The following DHRSX variants were observed in gnomAD, a reference collection of about 807,000 sequenced individuals.
DHRSX encodes the protein dehydrogenase/reductase X-linked.
Under a neutral mutation model 34.0 loss-of-function variants are expected in DHRSX, and 31 were observed. That is an observed-to-expected ratio of 0.91 (90% CI 0.69 to 1.23). The LOEUF (loss-of-function observed/expected upper bound fraction) is 1.23. Among genes scored for constraint, DHRSX ranks in the 50% most tolerant of loss-of-function variants. DHRSX has a pLI of 0.00. For missense variants in DHRSX, 414 were observed against 428.1 expected (o/e 0.97, Z 0.29); for synonymous variants, 201 against 183.8 (o/e 1.09, Z -0.76).
intron 5 of DHRSX, among the ~76,000 whole-genome samples, chrX:2,249,447 C>T (rs1239559750): frequency 6.7e-6 from 1 of 150,352 alleles, no homozygotes; most frequent in African/African-American, 2.4e-5. Context: ...ATCTGCCCAC[C>T]TCGGCCTCCC....
intron 1 of DHRSX, among the ~76,000 whole-genome samples, chrX:2,491,683 C>A (rs1314235174): frequency 9.2e-5 from 14 of 152,234 alleles, no homozygotes; most frequent in African/African-American, 3.4e-4. Flanking sequence ...TGGAACGTCA[C>A]AGGTGCATCC....
chrX:2,432,193 C>G (rs1229921799), intron 1 of DHRSX, among the ~76,000 whole-genome samples: 1 of 147,158 alleles, frequency 6.8e-6, no homozygotes, highest in African/African-American at 2.5e-5. Context: ...GACTCCGTCT[C>G]AAAAAAAAAA....
chrX:2,229,563 TG>T (rs1413088674), intron 6 of DHRSX, among the ~76,000 whole-genome samples: 3 of 152,000 alleles, frequency 2.0e-5, no homozygotes, highest in Admixed American at 6.6e-5. Flanking sequence ...AATGTGTGCA[TG>T]TGTGTGTGTG....
intron 3 of DHRSX, among the ~76,000 whole-genome samples, chrX:2,295,305 C>T (rs2041918934): frequency 6.6e-6 from 1 of 152,174 alleles, no homozygotes; most frequent in African/African-American, 2.4e-5. Context: ...AACCATCATT[C>T]TCAGCAAACT....
chrX:2,231,116 C>A (rs1311503629), intron 6 of DHRSX, among the ~76,000 whole-genome samples: 1 of 152,132 alleles, frequency 6.6e-6, no homozygotes, highest in Non-Finnish European at 1.5e-5. Context: ...GGGCATTTAT[C>A]CACTCAAGGG....
chrX:2,301,585 T>C (rs1160894834), intron 3 of DHRSX, among the ~76,000 whole-genome samples: 1 of 152,196 alleles, frequency 6.6e-6, no homozygotes, highest in Non-Finnish European at 1.5e-5. Flanking sequence ...TTCTGGTCTT[T>C]GTATGATCAC....
Position 2,444,010 on chromosome X carries a change from GAAAAAAA to G in DHRSX, c.110-18713_110-18707del, listed in dbSNP as rs569503260. Among the ~76,000 whole-genome samples the G allele has an allele frequency of 1.1e-3, 111 of 102,296 alleles. 1 individual carries two copies. Among genetic ancestry groups the G allele is most frequent in the African/African-American group, 3.2e-3 (97 of 30,216 alleles). 67.1% of individuals were successfully genotyped at this position (102,296 alleles called of 152,430 possible). On this transcript the variant is annotated intron_variant, in intron 1 of 6. Transcript: ENST00000334651. ...ACAGAGCGAGACTCCGTCTCAAAAA[GAAAAAAA>G]AAAAAAAAAAGGGCCAATGACCATG...
intron 1 of DHRSX, among the ~76,000 whole-genome samples, chrX:2,465,476 C>T (rs188114490): frequency 1.9e-4 from 29 of 152,160 alleles, no homozygotes; most frequent in African/African-American, 6.7e-4. Flanking sequence ...CATCACAGCA[C>T]AGAGCCACTG....
rs759666440 is a variant in DHRSX, at chrX:2,317,501, C to T, written c.287-25898G>A. ...TCCTGACCTCAGGTGATCCACCTGC[C>T]TCGGCCTCCCAAAGTGCTGGGATTA... On this transcript the variant is annotated intron_variant, in intron 3 of 6. Coordinates refer to ENST00000334651, the MANE Select transcript of DHRSX (RefSeq NM_145177.3). Among the ~76,000 whole-genome samples, 307 of 151,930 alleles carry T rather than the reference C, an allele frequency of 2.0e-3. 1 individual carries two copies. Among genetic ancestry groups the T allele is most frequent in the Middle Eastern group, 3.4e-3 (1 of 294 alleles).
intron 1 of DHRSX, among the ~76,000 whole-genome samples, chrX:2,443,426 C>T (rs2044087185): frequency 6.6e-6 from 1 of 151,988 alleles, no homozygotes; most frequent in African/African-American, 2.4e-5. Context: ...GTCAAGGCAG[C>T]ATGCAAAACC....
At chrX:2,409,691 G>C (rs1283561756) in intron 2 of DHRSX, among the ~76,000 whole-genome samples, 1 of 151,976 alleles carries the variant, frequency 6.6e-6, no homozygotes, top group African/African-American at 2.4e-5. Context: ...GGAAATCCGG[G>C]GTGAAAGAAT....
intron 3 of DHRSX, among the ~76,000 whole-genome samples, chrX:2,298,605 C>CGT (rs2124500624): frequency 3.6e-5 from 2 of 55,392 alleles, no homozygotes; most frequent in African/African-American, 8.0e-5. Context: ...CGTGTGTACA[C>CGT]ACACACACAC....
intron 1 of DHRSX, among the ~76,000 whole-genome samples, chrX:2,437,630 C>G (rs2044008430): frequency 6.7e-6 from 1 of 148,610 alleles, no homozygotes. Context: ...GAAAAAAAAG[C>G]ATCATTTCAT....
chrX:2,254,761 C>G (rs2041253124), intron 5 of DHRSX, among the ~76,000 whole-genome samples: 2 of 151,998 alleles, frequency 1.3e-5, no homozygotes, highest in African/African-American at 4.8e-5. Context: ...ATTCTCCTGT[C>G]TTAGCCTTCC....
intron 5 of DHRSX, among the ~76,000 whole-genome samples, chrX:2,259,777 G>A (rs1321272110): frequency 6.6e-6 from 1 of 151,744 alleles, no homozygotes; most frequent in Non-Finnish European, 1.5e-5. Flanking sequence ...TCCAGTCTCT[G>A]CCTCCGTCTC....
At chrX:2,376,075 C>T (rs1479527180) in intron 3 of DHRSX, among the ~76,000 whole-genome samples, 1 of 137,702 alleles carries the variant, frequency 7.3e-6, no homozygotes, top group Admixed American at 7.3e-5. Flanking sequence ...TTCCTAGGGG[C>T]TCTTGTTCTG....
intron 1 of DHRSX, among the ~76,000 whole-genome samples, chrX:2,438,809 A>G (rs188653084): frequency 1.3e-5 from 2 of 152,078 alleles, no homozygotes; most frequent in East Asian, 3.9e-4. Context: ...ATACATATAT[A>G]TGCATTCGTC....
rs142304480 is a variant in DHRSX at position 2,472,792 on chromosome X, A to G, written c.109+28025T>C. Among the ~76,000 whole-genome samples the G allele has an allele frequency of 3.1e-3, 472 of 152,100 alleles. 8 individuals are homozygous for G. Among genetic ancestry groups the G allele is most frequent in the African/African-American group, 0.01 (417 of 41,504 alleles). On this transcript the variant is annotated intron_variant, in intron 1 of 6. Transcript: ENST00000334651. ...TCAAAAATAAATAAATAAATAAAAC[A>G]CTACATGTGCTGCTATTGGGAATAT...
At chrX:2,361,511 C>A (rs1488274744) in intron 3 of DHRSX, among the ~76,000 whole-genome samples, 4 of 152,108 alleles carry the variant, frequency 2.6e-5, no homozygotes, top group Admixed American at 2.6e-4. Context: ...CTTATAAAGA[C>A]CTAAATCTGT....
Sources: allele counts gnomAD v4.1 joint callset (sites outside exome capture counted in the v4.1 genomes callset), GRCh38; gene constraint gnomAD v4.1.1; transcripts MANE v1.5; gene names NCBI Gene and HGNC (gene_info 2026-07-23, HGNC 2026-07-21).